KCNN2: variants seen among roughly 807,000 people sequenced by gnomAD.
The protein encoded by KCNN2 is potassium calcium-activated channel subfamily N member 2, also known as small conductance calcium-activated potassium channel protein 2.
KCNN2 carries 24 observed loss-of-function variants against 55.5 expected under a neutral mutation model. The ratio of observed to expected loss-of-function variants is 0.43; its 90% confidence interval spans 0.31 to 0.61. The LOEUF (loss-of-function observed/expected upper bound fraction) is 0.61. Ranked by LOEUF, KCNN2 falls within the 20% of genes least tolerant of loss-of-function variation. The pLI is 0.08. For missense variants in KCNN2, 754 were observed against 853.6 expected, an observed-to-expected ratio of 0.88 and a Z score of 1.45; for synonymous variants, 431 against 336.1, an observed-to-expected ratio of 1.28 and a Z score of -3.09.
intron 2 of KCNN2, among the ~76,000 whole-genome samples, chr5:114,375,570 T>C (rs1412231005): frequency 6.6e-6 from 1 of 152,160 alleles, no homozygotes; most frequent in African/African-American, 2.4e-5. Flanking sequence ...GATATATTTA[T>C]TTAGTTATAC....
intron 2 of KCNN2, among the ~76,000 whole-genome samples, chr5:114,222,634 G>A (rs1754163980): frequency 6.6e-6 from 1 of 152,070 alleles, no homozygotes; most frequent in Admixed American, 6.6e-5. Flanking sequence ...ATTAAGCTGT[G>A]GGTATGGCAC....
chr5:114,419,416 A>G (rs1161326279), intron 3 of KCNN2, among the ~76,000 whole-genome samples: 1 of 152,256 alleles, frequency 6.6e-6, no homozygotes, highest in African/African-American at 2.4e-5. Context: ...TGTTTTAAGC[A>G]CAATGTGATA....
At chr5:114,098,834 G>A (rs1751316286) in intron 1 of KCNN2, among the ~76,000 whole-genome samples, 2 of 151,990 alleles carry the variant, frequency 1.3e-5, no homozygotes, top group African/African-American at 2.4e-5. Flanking sequence ...GGTACCAGTG[G>A]CATTTGGTTA....
chr5:114,445,046 C>T (rs1464157426), intron 3 of KCNN2, among the ~76,000 whole-genome samples: 1 of 152,092 alleles, frequency 6.6e-6, no homozygotes, highest in Middle Eastern at 3.2e-3. Flanking sequence ...GGTCACAATT[C>T]TGAATACAGT....
chr5:114,130,375 T>C (rs1752047643), intron 1 of KCNN2, among the ~76,000 whole-genome samples: 1 of 152,212 alleles, frequency 6.6e-6, no homozygotes, highest in Non-Finnish European at 1.5e-5. Flanking sequence ...ATGTGGCTCA[T>C]GCCATCATTT....
chr5:114,440,825 T>C (rs545333455), intron 3 of KCNN2, among the ~76,000 whole-genome samples: 1 of 94,312 alleles, frequency 1.1e-5, no homozygotes, highest in African/African-American at 2.7e-5. Flanking sequence ...GAAGGGAGCA[T>C]ATAACAAACA....
intron 2 of KCNN2, among the ~76,000 whole-genome samples, chr5:114,316,987 C>T (rs1756513967): frequency 6.6e-6 from 1 of 152,190 alleles, no homozygotes; most frequent in Admixed American, 6.5e-5. Flanking sequence ...TGCTAAGGCC[C>T]TTTGAGATCA....
chr5:114,484,777 C>T (rs1182176337), intron 5 of KCNN2, among the ~76,000 whole-genome samples: 1 of 152,078 alleles, frequency 6.6e-6, no homozygotes, highest in African/African-American at 2.4e-5. Context: ...ATTTGACAAC[C>T]TATTAGGGAA....
At chr5:114,289,746 C>CT (rs1755843965) in intron 2 of KCNN2, among the ~76,000 whole-genome samples, 1 of 152,104 alleles carries the variant, frequency 6.6e-6, no homozygotes, top group Non-Finnish European at 1.5e-5. Flanking sequence ...AATCTTTAAA[C>CT]TGCTTTGGCT....
At chr5:114,215,959 C>G (rs747773686) in intron 1 of KCNN2, among the ~76,000 whole-genome samples, 46 of 152,038 alleles carry the variant, frequency 3.0e-4, no homozygotes, top group Admixed American at 2.8e-3. Context: ...GCCGATTACC[C>G]AAAGTATCCT....
In KCNN2 at chr5:114,202,565, G is replaced by GTATATA. The variant is rs1465277634; in HGVS notation, c.-270-18914_-270-18913insATATAT. Among the ~76,000 whole-genome samples the GTATATA allele has an allele frequency of 1.4e-4, 13 of 92,082 alleles. No homozygotes were observed. In the South Asian group the frequency reaches 2.4e-3, roughly 17 times the overall value. The allele number at this position is 92,082 out of a possible 152,430, so 60.4% of individuals were successfully genotyped here. A position where few individuals can be genotyped will look rare whatever the true frequency, so the allele number is the denominator to read the frequency against. On this transcript the variant is annotated intron_variant, in intron 1 of 10. Coordinates refer to the KCNN2 transcript ENST00000512097. ...ATATACATGCCTAATATATATGTGT[G>GTATATA]TGTATATATATATATATATATTTTT...
intron 1 of KCNN2, among the ~76,000 whole-genome samples, chr5:114,084,545 A>G (rs540760919): frequency 3.1e-4 from 47 of 151,906 alleles, no homozygotes; most frequent in African/African-American, 9.6e-4. Flanking sequence ...GAGTTTTAAG[A>G]GTTCTTTGTA....
intron 1 of KCNN2, among the ~76,000 whole-genome samples, chr5:114,218,102 G>A (rs570921804): frequency 2.0e-5 from 3 of 152,212 alleles, no homozygotes; most frequent in Admixed American, 6.5e-5. Context: ...ACCAAATGCT[G>A]ACAAGGATAT....
At chr5:114,416,450 G>T (rs1759308640) in intron 3 of KCNN2, among the ~76,000 whole-genome samples, 1 of 152,156 alleles carries the variant, frequency 6.6e-6, no homozygotes, top group African/African-American at 2.4e-5. Context: ...CATGACTTTG[G>T]AAGGATGATG....
chr5:114,100,530 G>T (rs1487974084), intron 1 of KCNN2, among the ~76,000 whole-genome samples: 1 of 151,942 alleles, frequency 6.6e-6, no homozygotes, highest in Admixed American at 6.6e-5. Flanking sequence ...AAGAAGAGAG[G>T]AAGTATCCTC....
intron 1 of KCNN2, among the ~76,000 whole-genome samples, chr5:114,193,234 C>T (rs945783266): frequency 6.6e-6 from 1 of 152,120 alleles, no homozygotes. Context: ...CAACTCAGCT[C>T]AGCGTCTGGC....
intron 1 of KCNN2, among the ~76,000 whole-genome samples, chr5:114,107,929 T>C (rs1751522251): frequency 6.6e-6 from 1 of 152,104 alleles, no homozygotes. Flanking sequence ...ATTACTTTCA[T>C]TGGATCTACT....
chr5:114,405,746 T>C (rs1758911507), intron 3 of KCNN2, among the ~76,000 whole-genome samples: 1 of 151,734 alleles, frequency 6.6e-6, no homozygotes, highest in Non-Finnish European at 1.5e-5. Context: ...AGTCTCGCTC[T>C]GTCGCCCAGG....
At chr5:114,304,528 T>C (rs575121319) in intron 2 of KCNN2, among the ~76,000 whole-genome samples, 10 of 152,328 alleles carry the variant, frequency 6.6e-5, no homozygotes, top group South Asian at 2.1e-4. Context: ...GTGCTTCATC[T>C]TGACCAGGGC....
Sources: allele counts gnomAD v4.1 joint callset (sites outside exome capture counted in the v4.1 genomes callset), GRCh38; gene constraint gnomAD v4.1.1; transcripts MANE v1.5; gene names NCBI Gene and HGNC (gene_info 2026-07-23, HGNC 2026-07-21).